TTC27: variants seen among roughly 807,000 people sequenced by gnomAD.
TTC27 encodes the protein tetratricopeptide repeat domain 27.
A neutral mutation model predicts 115.9 loss-of-function variants in TTC27; 79 were observed. The observed-to-expected ratio is 0.68, with a 90% confidence interval of 0.57 to 0.82. TTC27 has a LOEUF of 0.82. TTC27 is among the 40% of genes least tolerant of loss of function. The probability of loss-of-function intolerance (pLI) is 0.00; values close to 1 mark genes in which losing one functional copy is unlikely to be tolerated. For synonymous variants in TTC27, 401 were observed against 356.0 expected (o/e 1.13, Z -1.42); for missense variants, 1,054 against 993.1 (o/e 1.06, Z -0.82).
chr2:32,733,794 A>G lies in TTC27; in HGVS notation c.1234-34A>G, dbSNP rs768190463. ...GACTTATTTATATTATAAGTTATACATATAGATTCTGATTGTGATATATGT... is the reference window on the plus strand; with the variant it reads ...GACTTATTTATATTATAAGTTATACGTATAGATTCTGATTGTGATATATGT... On this transcript the variant is annotated intron_variant, in intron 10 of 19. Coordinates refer to ENST00000317907, the MANE Select transcript of TTC27 (RefSeq NM_017735.5). 8.9e-6 allele frequency: 12 copies of G among 1,348,698 alleles called. No homozygotes were observed. In the South Asian group the frequency reaches 1.5e-4, roughly 17 times the overall value. 83.5% of individuals were successfully genotyped at this position (1,348,698 alleles called of 1,614,324 possible).
chr2:32,746,563 C>CAAAAAAAAAAAAAAA lies in TTC27; in HGVS notation c.1452+9752_1452+9766dup, dbSNP rs770621313. The stretch of plus-strand genomic sequence containing the variant: ...TGGCAATAAGAGTGAAACTCCATCT[C>CAAAAAAAAAAAAAAA]AAAAAAAAAAAAAAAAAAAGAATGC... On this transcript the variant is annotated intron_variant, in intron 12 of 19. Coordinates refer to ENST00000317907, the MANE Select transcript of TTC27 (RefSeq NM_017735.5). Among the ~76,000 whole-genome samples the CAAAAAAAAAAAAAAA allele has an allele frequency of 2.7e-3, 127 of 46,284 alleles. 8 individuals carry two copies. Among genetic ancestry groups the CAAAAAAAAAAAAAAA allele is most frequent in the Middle Eastern group, 0.019 (1 of 52 alleles). 30.4% of individuals were successfully genotyped at this position (46,284 alleles called of 152,430 possible).
intron 5 of TTC27, among the ~76,000 whole-genome samples, chr2:32,662,600 G>A (rs1029223591): frequency 2.6e-5 from 4 of 152,066 alleles, no homozygotes; most frequent in Non-Finnish European, 5.9e-5. Context: ...TATTTCTGTG[G>A]GATCAGTGGT....
chr2:32,717,491 G>A (rs1409017926), intron 10 of TTC27, among the ~76,000 whole-genome samples: 2 of 152,162 alleles, frequency 1.3e-5, no homozygotes, highest in East Asian at 3.8e-4. Context: ...GCTCTTTGCT[G>A]TAGGTCATGG....
At chr2:32,672,093 A>T (rs1666034296) in intron 7 of TTC27, among the ~76,000 whole-genome samples, 179 bp from the exon 8 acceptor site, 1 of 152,228 alleles carries the variant, frequency 6.6e-6, no homozygotes, top group South Asian at 2.1e-4. Flanking sequence ...TAGATGGCAC[A>T]TCTTTCATTT....
intron 8 of TTC27, among the ~76,000 whole-genome samples, chr2:32,673,146 C>T (rs376391937): frequency 6.6e-6 from 1 of 150,604 alleles, no homozygotes; most frequent in African/African-American, 2.4e-5. Flanking sequence ...TTGAAATTTA[C>T]AAGTCCATTA....
chr2:32,726,390 G>T (rs1447547823), intron 10 of TTC27, among the ~76,000 whole-genome samples: 6 of 152,124 alleles, frequency 3.9e-5, no homozygotes, highest in Non-Finnish European at 8.8e-5. Flanking sequence ...TCTTCCACCA[G>T]ATACCCTAAA....
At chr2:32,654,309 T>C (rs1006587030) in intron 5 of TTC27, among the ~76,000 whole-genome samples, 1 of 152,196 alleles carries the variant, frequency 6.6e-6, no homozygotes, top group Non-Finnish European at 1.5e-5. Context: ...GTCTTTGAAG[T>C]CTTTAATTAT....
intron 12 of TTC27, among the ~76,000 whole-genome samples, chr2:32,742,025 TTGAGGGCCTTATA>T (rs1359649939): frequency 6.6e-6 from 1 of 152,256 alleles, no homozygotes; most frequent in African/African-American, 2.4e-5. Context: ...ATGCTATCTT[TTGAGGGCCTTATA>T]TGTACTGCAT....
intron 12 of TTC27, among the ~76,000 whole-genome samples, chr2:32,743,694 T>G (rs1045850989): frequency 6.6e-6 from 1 of 152,176 alleles, no homozygotes; most frequent in African/African-American, 2.4e-5. Flanking sequence ...CTTCTCTGTG[T>G]TTATAGTCCT....
At chr2:32,820,331 A>G (rs776150141) in intron 19 of TTC27, among the ~76,000 whole-genome samples, 2 of 152,212 alleles carry the variant, frequency 1.3e-5, no homozygotes, top group African/African-American at 4.8e-5. Context: ...TTTCAGGGAG[A>G]GGACACAGTT....
At chr2:32,686,901 A>G (rs926526522) in intron 9 of TTC27, among the ~76,000 whole-genome samples, 14 of 151,940 alleles carry the variant, frequency 9.2e-5, no homozygotes, top group African/African-American at 3.1e-4. Flanking sequence ...CTGGAGTGCA[A>G]TGGCACAATC....
At chr2:32,813,145 T>A (rs1671374810) in intron 18 of TTC27, among the ~76,000 whole-genome samples, 2 of 152,224 alleles carry the variant, frequency 1.3e-5, no homozygotes, top group South Asian at 4.1e-4. Flanking sequence ...AAATAAGCAT[T>A]GCTTTTAGTT....
At chr2:32,739,317 A>C (rs1668549607) in intron 12 of TTC27, among the ~76,000 whole-genome samples, 1 of 152,216 alleles carries the variant, frequency 6.6e-6, no homozygotes, top group Non-Finnish European at 1.5e-5. Flanking sequence ...GCAAGTTGGT[A>C]AATCACAAAT....
intron 10 of TTC27, among the ~76,000 whole-genome samples, chr2:32,729,561 G>A (rs1668221710): frequency 6.6e-6 from 1 of 152,062 alleles, no homozygotes; most frequent in Non-Finnish European, 1.5e-5. Flanking sequence ...ATGTCTTTAG[G>A]CGGAGTTAGG....
intron 8 of TTC27, among the ~76,000 whole-genome samples, chr2:32,677,027 A>G (rs1453011451): frequency 2.0e-5 from 3 of 151,984 alleles, no homozygotes. Flanking sequence ...TGCTGAATCT[A>G]ATGTTTGTCA....
chr2:32,699,856 C>T (rs62133867), intron 9 of TTC27, among the ~76,000 whole-genome samples: 2 of 152,114 alleles, frequency 1.3e-5, no homozygotes, highest in African/African-American at 4.8e-5. Flanking sequence ...TTTGGTTGAC[C>T]TTCAAATAAA....
At chr2:32,647,938 A>C (rs759195881) in intron 4 of TTC27, among the ~76,000 whole-genome samples, 5 of 152,220 alleles carry the variant, frequency 3.3e-5, no homozygotes, top group Non-Finnish European at 5.9e-5. Flanking sequence ...TATAATGTAA[A>C]GTAATATAGT....
chr2:32,792,589 A>G (rs1670572743), intron 16 of TTC27, among the ~76,000 whole-genome samples: 1 of 152,148 alleles, frequency 6.6e-6, no homozygotes, highest in Non-Finnish European at 1.5e-5. Context: ...CAGGGTTATC[A>G]GACCAGGAAA....
chr2:32,754,881 C>A (rs535090915), intron 12 of TTC27, among the ~76,000 whole-genome samples: 5 of 146,592 alleles, frequency 3.4e-5, no homozygotes, highest in Non-Finnish European at 7.5e-5. Context: ...GGGGCTGACC[C>A]CCCCCACCTC....
Sources: allele counts gnomAD v4.1 joint callset (sites outside exome capture counted in the v4.1 genomes callset), GRCh38; gene constraint gnomAD v4.1.1; transcripts MANE v1.5; gene names NCBI Gene and HGNC (gene_info 2026-07-23, HGNC 2026-07-21).